CDH11: variants seen among roughly 807,000 people sequenced by gnomAD.
CDH11 encodes the protein cadherin 11.
CDH11 carries 11 observed loss-of-function variants against 67.8 expected under a neutral mutation model. That is an observed-to-expected ratio of 0.16 (90% CI 0.10 to 0.27). CDH11 has a LOEUF of 0.27. Among genes scored for constraint, CDH11 ranks in the 10% least tolerant of loss-of-function variants. The pLI is 1.00. For missense variants in CDH11, 847 were observed against 1,031.2 expected (o/e 0.82, Z 2.45); for synonymous variants, 419 against 400.0 (o/e 1.05, Z -0.57).
At chr16:65,040,060 T>C (rs2073835984) in intron 2 of CDH11, among the ~76,000 whole-genome samples, 1 of 152,020 alleles carries the variant, frequency 6.6e-6, no homozygotes, top group Admixed American at 6.6e-5. Context: ...AGGAAACAGG[T>C]GCTGGAGAGG....
At chr16:64,953,475 T>C (rs2071419469) in intron 11 of CDH11, among the ~76,000 whole-genome samples, 1 of 152,054 alleles carries the variant, frequency 6.6e-6, no homozygotes, top group South Asian at 2.1e-4. Flanking sequence ...CTCAATTCTG[T>C]ATTTTCTGAA....
chr16:65,045,617 C>G (rs546246067), intron 2 of CDH11, among the ~76,000 whole-genome samples: 1 of 151,936 alleles, frequency 6.6e-6, no homozygotes, highest in East Asian at 1.9e-4. Context: ...CTCTGAGTCC[C>G]CCACTGCACA....
upstream of CDH11, chr16:65,122,462 C>G (rs1295770245): frequency 5.9e-6 from 1 of 168,136 alleles, no homozygotes; most frequent in East Asian, 1.9e-4. Context: ...TTTCCTCCTT[C>G]CCCCAAATCC....
intron 1 of CDH11, among the ~76,000 whole-genome samples, chr16:65,074,469 C>T (rs1186639576): frequency 3.9e-5 from 6 of 152,152 alleles, no homozygotes; most frequent in African/African-American, 1.4e-4. Flanking sequence ...CCTAGTAGTG[C>T]CTGCCTTATA....
At chr16:65,099,013 C>T (rs2074945376) in intron 1 of CDH11, among the ~76,000 whole-genome samples, 1 of 152,080 alleles carries the variant, frequency 6.6e-6, no homozygotes, top group Non-Finnish European at 1.5e-5. Context: ...TGCTTTGTAA[C>T]CGTCTATTTT....
chr16:65,001,376 C>T (rs35186), intron 3 of CDH11, among the ~76,000 whole-genome samples: 66,701 of 152,094 alleles, frequency 0.44, 15,357 homozygotes, highest in East Asian at 0.63. Flanking sequence ...CTTCATTCAG[C>T]CAAGTTTCCT....
intron 1 of CDH11, among the ~76,000 whole-genome samples, chr16:65,066,011 G>A (rs1007470812): frequency 6.6e-6 from 1 of 152,216 alleles, no homozygotes; most frequent in Non-Finnish European, 1.5e-5. Context: ...CATCCATGCA[G>A]TCTGACGCCA....
chr16:65,045,884 G>T (rs1567546671), intron 2 of CDH11, among the ~76,000 whole-genome samples: 2 of 152,096 alleles, frequency 1.3e-5, no homozygotes, highest in Admixed American at 6.5e-5. Context: ...GCATGCACAT[G>T]TCTTGGCCCA....
chr16:65,019,256 A>G (rs569853031), intron 2 of CDH11, among the ~76,000 whole-genome samples: 8 of 152,230 alleles, frequency 5.3e-5, no homozygotes, highest in Non-Finnish European at 1.2e-4. Context: ...TTTGTCAAAT[A>G]TCAAAGGTGT....
chr16:65,050,620 A>C (rs2074038511), intron 2 of CDH11, among the ~76,000 whole-genome samples: 1 of 86,952 alleles, frequency 1.2e-5, no homozygotes, highest in Admixed American at 1.2e-4. Context: ...TTTTCCATCA[A>C]GAAGAAGCTT....
At chr16:65,067,282 T>C (rs934753734) in intron 1 of CDH11, among the ~76,000 whole-genome samples, 5 of 151,570 alleles carry the variant, frequency 3.3e-5, no homozygotes, top group Non-Finnish European at 5.9e-5. Flanking sequence ...CAGATGTATA[T>C]GTTTAGATAT....
At chr16:64,975,549 T>C (rs1336616704) in intron 8 of CDH11, among the ~76,000 whole-genome samples, 1 of 152,116 alleles carries the variant, frequency 6.6e-6, no homozygotes, top group Non-Finnish European at 1.5e-5. Context: ...ATTTAGTGGA[T>C]ATTTGGGCAT....
chr16:65,093,022 C>T (rs1251228307), intron 1 of CDH11, among the ~76,000 whole-genome samples: 18 of 150,514 alleles, frequency 1.2e-4, no homozygotes, highest in Admixed American at 4.6e-4. Context: ...CTGCAACCTC[C>T]GCCTCCCAAG....
intron 8 of CDH11, among the ~76,000 whole-genome samples, chr16:64,975,372 A>T (rs1342963248): frequency 6.6e-6 from 1 of 152,182 alleles, no homozygotes; most frequent in Non-Finnish European, 1.5e-5. Context: ...TCTCAAGGAG[A>T]TCAATAACGC....
At chr16:64,972,801 C>T in intron 9 of CDH11, 103 bp downstream of exon 9, 1 of 1,217,664 alleles carries the variant, frequency 8.2e-7, no homozygotes. Flanking sequence ...CTGTTTAAGA[C>T]CAAAAAAGTT....
At chr16:64,959,373 G>C (rs1260708874) in intron 11 of CDH11, among the ~76,000 whole-genome samples, 1 of 152,112 alleles carries the variant, frequency 6.6e-6, no homozygotes, top group Non-Finnish European at 1.5e-5. Context: ...AGGGTAAATG[G>C]AGAGAAAAGA....
intron 1 of CDH11, among the ~76,000 whole-genome samples, chr16:65,057,436 C>T (rs963487866): frequency 6.6e-5 from 10 of 152,166 alleles, no homozygotes; most frequent in African/African-American, 1.9e-4. Flanking sequence ...GGGGCTCAGA[C>T]AGTACATGCT....
At chr16:64,990,861 T>TA (rs2072612919) in intron 6 of CDH11, among the ~76,000 whole-genome samples, 1 of 152,226 alleles carries the variant, frequency 6.6e-6, no homozygotes, top group Admixed American at 6.5e-5. Context: ...TATAAGATTT[T>TA]ACACTAGCTC....
intron 1 of CDH11, among the ~76,000 whole-genome samples, chr16:65,060,682 CTTAT>C (rs936492669): frequency 1.3e-5 from 2 of 152,098 alleles, no homozygotes; most frequent in African/African-American, 2.4e-5. Context: ...TTTTATTTTA[CTTAT>C]TTGTCTCCTT....
Sources: gnomAD v4.1 joint callset for allele counts (sites outside exome capture counted in the v4.1 genomes callset) on GRCh38, gnomAD v4.1.1 for gene constraint, MANE v1.5 for transcripts, NCBI Gene and HGNC (gene_info 2026-07-23, HGNC 2026-07-21) for gene names.